CLCN6: variants seen among roughly 807,000 people sequenced by gnomAD.
CLCN6 encodes H(+)/Cl(-) exchange transporter 6.
CLCN6 carries 70 observed loss-of-function variants against 109.8 expected under a neutral mutation model. The observed-to-expected ratio is 0.64, with a 90% confidence interval of 0.53 to 0.78. The LOEUF is 0.78. Among genes scored for constraint, CLCN6 ranks in the 30% least tolerant of loss-of-function variants. The pLI, the probability that CLCN6 is intolerant of heterozygous loss-of-function variation, is 0.00. For synonymous variants in CLCN6, 444 were observed against 447.8 expected (o/e 0.99, Z 0.11); for missense variants, 984 against 1,142.3 (o/e 0.86, Z 2.00).
At chr1:11,826,773 G>A (rs908928048) in intron 9 of CLCN6, among the ~76,000 whole-genome samples, 1 of 152,200 alleles carries the variant, frequency 6.6e-6, no homozygotes, top group African/African-American at 2.4e-5. Flanking sequence ...ACATGGTGCA[G>A]CAGTGATCGT....
rs547838122 is a variant in CLCN6 at position 11,813,377 on chromosome 1, T to C, written c.148-2469T>C. On this transcript the variant is annotated intron_variant, in intron 2 of 22. Transcript: ENST00000346436. ...TTTTTTCATCACTGTGTTTCTTTTC[T>C]GATCAGTAAAAAAGATTTTTTTTTT... 2.6e-5 allele frequency among the ~76,000 whole-genome samples: 4 copies of C among 152,212 alleles called. No individual in the cohort carries two copies. The East Asian group carries it at 7.7e-4, about 29-fold the overall frequency.
chr1:11,809,914 A>G (rs1021780378), intron 2 of CLCN6, among the ~76,000 whole-genome samples: 3 of 152,234 alleles, frequency 2.0e-5, no homozygotes, highest in Non-Finnish European at 4.4e-5. Context: ...TATTCAATAA[A>G]TAAATCAACT....
rs1644513060 is a variant in CLCN6 at position 11,806,497 on chromosome 1, A to G, written c.87+148A>G. 4.8e-5 allele frequency: 28 copies of G among 582,786 alleles called. No homozygotes were observed. The South Asian group carries it at 5.2e-4, about 11-fold the overall frequency. The allele number at this position is 582,786 out of a possible 1,614,324, so 36.1% of individuals were successfully genotyped here. ...CGCAGCCAGGGCTCTCGAAGCGTCTACCCTGCTTCACGTGCCTAAGTCTGG... is the reference window on the plus strand; with the variant it reads ...CGCAGCCAGGGCTCTCGAAGCGTCTGCCCTGCTTCACGTGCCTAAGTCTGG... On this transcript the variant is annotated intron_variant, in intron 1 of 22. Transcript: ENST00000346436.
intron 22 of CLCN6, among the ~76,000 whole-genome samples, chr1:11,839,723 G>C (rs1288793542): frequency 6.6e-6 from 1 of 152,226 alleles, no homozygotes; most frequent in Non-Finnish European, 1.5e-5. Flanking sequence ...CCCAACAACA[G>C]TGACACGTGG....
chr1:11,833,641 G>T lies in CLCN6; in HGVS notation c.1372+3G>T. The stretch of plus-strand genomic sequence containing the variant: ...CCTCCAGCTCTTCCACCAGGATGGT[G>T]AGTGTCTGCACTGCAGCCCAATCGT... On this transcript the variant is annotated splice_donor_region_variant and intron_variant, in intron 14 of 22. Coordinates refer to ENST00000346436, the MANE Select transcript of CLCN6 (RefSeq NM_001286.5). 3 of 1,613,294 alleles carry T rather than the reference G, an allele frequency of 1.9e-6. No homozygotes were observed. Among genetic ancestry groups the T allele is most frequent in the Non-Finnish European group, 2.5e-6 (3 of 1,180,012 alleles).
In CLCN6 at chr1:11,826,227, T is replaced by C; in HGVS notation, c.707+13T>C. 1 of 1,609,286 alleles carries C rather than the reference T, an allele frequency of 6.2e-7. No homozygotes were observed. Among genetic ancestry groups the C allele is most frequent in the South Asian group, 1.1e-5 (1 of 90,988 alleles). ...TCCGAAGCGACAGGTATGGAAAGGT[T>C]AGAAATTGGTTTCTTTTTTGGAAAC... On this transcript the variant is annotated intron_variant, in intron 9 of 22. Transcript: ENST00000346436.
rs1279456363 is a variant in CLCN6, at chr1:11,824,568, G to C, written c.648+15G>C. On this transcript the variant is annotated intron_variant, in intron 8 of 22. Coordinates refer to ENST00000346436, the MANE Select transcript of CLCN6 (RefSeq NM_001286.5). ...GCCTCCCTCAGGTAAGATGGGCTGAGAGGGTGTGGGCCTCTGGGCAGGCCT... is the reference window on the plus strand; with the variant it reads ...GCCTCCCTCAGGTAAGATGGGCTGACAGGGTGTGGGCCTCTGGGCAGGCCT... The C allele has an allele frequency of 6.2e-7, 1 of 1,611,516 alleles. No individual in the cohort carries two copies. Among genetic ancestry groups the C allele is most frequent in the South Asian group, 1.1e-5 (1 of 90,908 alleles).
At chr1:11,835,575 CACCCATTT>C (rs1480277949) in intron 17 of CLCN6, among the ~76,000 whole-genome samples, 1 of 152,154 alleles carries the variant, frequency 6.6e-6, no homozygotes, top group Admixed American at 6.5e-5. Flanking sequence ...GCACCCAGCC[CACCCATTT>C]ACCCAGTTGT....
intron 6 of CLCN6, among the ~76,000 whole-genome samples, chr1:11,823,477 CAA>C (rs35345671): frequency 3.5e-5 from 5 of 142,664 alleles, no homozygotes; most frequent in African/African-American, 2.6e-5. Flanking sequence ...AACTCTACCT[CAA>C]AAAAAAAAAA....
At chr1:11,822,181 TAC>T (rs1644752665) in intron 5 of CLCN6, among the ~76,000 whole-genome samples, 1 of 152,204 alleles carries the variant, frequency 6.6e-6, no homozygotes. Context: ...TTGTTAAAGC[TAC>T]AGTTGTGAGG....
At chr1:11,826,697 A>G (rs1490752724) in intron 9 of CLCN6, among the ~76,000 whole-genome samples, 1 of 152,228 alleles carries the variant, frequency 6.6e-6, no homozygotes, top group East Asian at 1.9e-4. Context: ...AGTTCGGCAC[A>G]TACCCAGAAG....
chr1:11,829,269 T>C lies in CLCN6; in HGVS notation c.1195T>C (p.Cys399Arg), dbSNP rs1437736087. 3 of 1,614,066 alleles carry C rather than the reference T, an allele frequency of 1.9e-6. No homozygotes were observed. Among genetic ancestry groups the C allele is most frequent in the Non-Finnish European group, 2.5e-6 (3 of 1,180,036 alleles). ...VFVASMVLGE[C>R]RQMSSSSQIG... is the part of the protein sequence containing the mutation. ...TGTGGCCTCGATGGTGTTAGGAGAA[T>C]GCCGACAGATGTCCTCTTCGAGTCA... The change falls in exon 13 of 23, where the codon TGC (cysteine) becomes CGC (arginine). Residue 399 changes from cysteine (C) to arginine (R), a missense_variant. By Grantham distance (180) the Cys-to-Arg change is radical. Coordinates refer to ENST00000346436, the MANE Select transcript of CLCN6 (RefSeq NM_001286.5).
intron 22 of CLCN6, 147 bp from the exon 23 acceptor site, chr1:11,839,996 G>C (rs1304306504): frequency 5.7e-6 from 4 of 706,042 alleles, no homozygotes; most frequent in Non-Finnish European, 1.0e-5. Context: ...GCCCTCGTTA[G>C]CTGTTTATCC....
chr1:11,806,877 G>A (rs1221308931), intron 1 of CLCN6: 2 of 448,560 alleles, frequency 4.5e-6, no homozygotes, highest in Non-Finnish European at 7.9e-6. Context: ...AGCTGGCGTT[G>A]GACATCTTTG....
intron 4 of CLCN6, 86 bp downstream of exon 4, chr1:11,816,766 C>A: frequency 2.3e-6 from 2 of 873,664 alleles, no homozygotes; most frequent in South Asian, 1.7e-5. Flanking sequence ...ATAACATTGT[C>A]ATTTGTCATT....
intron 8 of CLCN6, 94 bp downstream of exon 8, chr1:11,824,647 A>G (rs990946137): frequency 5.4e-6 from 5 of 932,146 alleles, no homozygotes; most frequent in Non-Finnish European, 8.0e-6. Context: ...CTGACATCAC[A>G]TTGGAACCTG....
intron 21 of CLCN6, 38 bp from the exon 22 acceptor site, chr1:11,838,497 G>A (rs925851860): frequency 1.9e-6 from 3 of 1,606,822 alleles, no homozygotes; most frequent in Non-Finnish European, 2.6e-6. Context: ...CATGCCGTTG[G>A]CGTCTCAGGC....
chr1:11,812,236 G>A (rs544302776), intron 2 of CLCN6, among the ~76,000 whole-genome samples: 1 of 152,200 alleles, frequency 6.6e-6, no homozygotes, highest in Non-Finnish European at 1.5e-5. Flanking sequence ...ACACAGAAAT[G>A]CTACTTACAT....
Position 11,826,191 on chromosome 1 carries a change from C to T in CLCN6, c.684C>T (p.Asn228=), listed in dbSNP as rs1472446893. ...TCTCCTTACGGAAGATCCAGTTTAACTTCCCCTATTTCCGAAGCGACAGGT... is the reference window on the plus strand; with the variant it reads ...TCTCCTTACGGAAGATCCAGTTTAATTTCCCCTATTTCCGAAGCGACAGGT... ...QSISLRKIQF[N]FPYFRSDRDK... Residue 228 remains asparagine, a synonymous_variant, in exon 9 of 23, where the codon AAC becomes AAT. Coordinates refer to ENST00000346436, the MANE Select transcript of CLCN6 (RefSeq NM_001286.5). 1 of 1,613,970 alleles carries T rather than the reference C, an allele frequency of 6.2e-7. No individual in the cohort carries two copies. The highest frequency in any genetic ancestry group is 8.5e-7 in the Non-Finnish European group (1 of 1,179,886).
Sources: gnomAD v4.1 joint callset for allele counts (sites outside exome capture counted in the v4.1 genomes callset) on GRCh38, gnomAD v4.1.1 for gene constraint, MANE v1.5 for transcripts, NCBI Gene and HGNC (gene_info 2026-07-23, HGNC 2026-07-21) for gene names.